Variants in FYCO1 observed in about 807,000 individuals in gnomAD.
The protein encoded by FYCO1 is FYVE and coiled-coil domain-containing protein 1.
FYCO1 carries 122 observed loss-of-function variants against 165.1 expected under a neutral mutation model. The ratio of observed to expected loss-of-function variants is 0.74; its 90% confidence interval spans 0.64 to 0.86. The LOEUF is 0.86. FYCO1 is among the 40% of genes least tolerant of loss of function. The pLI is 0.00. For synonymous variants in FYCO1, 648 were observed against 742.5 expected (o/e 0.87, Z 2.07); for missense variants, 1,702 against 1,810.3 (o/e 0.94, Z 1.09).
At chr3:45,981,091 G>T (rs1411665457) in intron 3 of FYCO1, among the ~76,000 whole-genome samples, 2 of 152,138 alleles carry the variant, frequency 1.3e-5, no homozygotes, top group Non-Finnish European at 2.9e-5. Context: ...TGATGCTGCT[G>T]GTCTATGGAC....
rs1322517396 is a variant in FYCO1, at chr3:45,984,850, C to T, written c.55+6G>A. ...CAAACTCAGCCTGCCCAGCAACCTA[C>T]CATACCTTGCAAGTCTCGGATGATT... On this transcript the variant is annotated splice_donor_region_variant and intron_variant, in intron 2 of 17. Coordinates refer to ENST00000296137, the MANE Select transcript of FYCO1 (RefSeq NM_024513.4). 1 of 1,614,160 alleles carries T rather than the reference C, an allele frequency of 6.2e-7. No homozygotes were observed. The highest frequency in any genetic ancestry group is 8.5e-7 in the Non-Finnish European group (1 of 1,180,004).
Position 45,921,675 on chromosome 3 carries a change from G to T in FYCO1, c.*90C>A. The T allele has an allele frequency of 1.1e-6, 1 of 905,842 alleles. No individual in the cohort carries two copies. Among genetic ancestry groups the T allele is most frequent in the Non-Finnish European group, 1.8e-6 (1 of 543,224 alleles). 56.1% of individuals were successfully genotyped at this position (905,842 alleles called of 1,614,324 possible). ...CAGGGGCTGAGTTGATGATTTTGGA[G>T]CAGCTGACTTTTTAAAAAAATGCTT... On this transcript the variant is annotated 3_prime_UTR_variant, in exon 18 of 18. Transcript: ENST00000296137.
At chr3:45,935,705 T>G (rs985898525) in intron 15 of FYCO1, among the ~76,000 whole-genome samples, 1 of 152,266 alleles carries the variant, frequency 6.6e-6, no homozygotes, top group Non-Finnish European at 1.5e-5. Flanking sequence ...GTAACATTTA[T>G]ACAATATTGA....
intron 16 of FYCO1, among the ~76,000 whole-genome samples, chr3:45,930,602 A>T (rs1265358293): frequency 6.6e-6 from 1 of 152,220 alleles, no homozygotes; most frequent in Non-Finnish European, 1.5e-5. Flanking sequence ...GGTACCTGCC[A>T]CCAAGATTTC....
chr3:45,995,531 C>T (rs967486424), intron 1 of FYCO1, among the ~76,000 whole-genome samples, 191 bp downstream of exon 1: 1 of 152,242 alleles, frequency 6.6e-6, no homozygotes, highest in African/African-American at 2.4e-5. Flanking sequence ...CCGGCTTCCA[C>T]CTGCCCGAGG....
Position 45,967,468 on chromosome 3 carries a change from C to T in FYCO1, c.1866G>A (p.Glu622=). 1 of 1,613,698 alleles carries T rather than the reference C, an allele frequency of 6.2e-7. No homozygotes were observed. The highest frequency in any genetic ancestry group is 8.5e-7 in the Non-Finnish European group (1 of 1,180,002). The change falls in exon 8 of 18, where the codon GAG becomes GAA. Residue 622 remains glutamate (E), a synonymous_variant. Coordinates refer to ENST00000296137, the MANE Select transcript of FYCO1 (RefSeq NM_024513.4). ...EELRQANREL[E]KELQNVVGRN... ...GCCCGACCACATTCTGTAGCTCCTT[C>T]TCCAGCTCCCTGTTGGCCTGCCGGA...
At chr3:45,944,627 C>T (rs1704465109) in intron 14 of FYCO1, among the ~76,000 whole-genome samples, 1 of 152,030 alleles carries the variant, frequency 6.6e-6, no homozygotes, top group Non-Finnish European at 1.5e-5. Context: ...ATTTTTCATA[C>T]TCTATTTGCA....
intron 1 of FYCO1, among the ~76,000 whole-genome samples, chr3:45,995,406 G>T (rs976799927): frequency 6.6e-6 from 1 of 152,250 alleles, no homozygotes. Context: ...CTTGTTCTGA[G>T]ACGCCGCATG....
At chr3:45,992,552 T>C (rs538500275) in intron 1 of FYCO1, among the ~76,000 whole-genome samples, 1 of 152,340 alleles carries the variant, frequency 6.6e-6, no homozygotes, top group East Asian at 1.9e-4. Flanking sequence ...CCAAGGTATA[T>C]TTAGCTTACT....
At chr3:45,987,327 G>A (rs1707359415) in intron 1 of FYCO1, among the ~76,000 whole-genome samples, 1 of 152,120 alleles carries the variant, frequency 6.6e-6, no homozygotes, top group Admixed American at 6.6e-5. Context: ...ATATGTATTT[G>A]ACAAACATAC....
At chr3:45,947,659 G>A (rs1288247705) in intron 14 of FYCO1, 8 of 659,642 alleles carry the variant, frequency 1.2e-5, no homozygotes, top group Non-Finnish European at 1.9e-5. Context: ...CTTCTTCTCA[G>A]GCATGAACAT....
At position 45,993,161 on chromosome 3, in the gene FYCO1, C is replaced by T. The variant is rs1027784549; in HGVS notation, c.-113+2561G>A. Among the ~76,000 whole-genome samples, 3 of 152,286 alleles carry T rather than the reference C, an allele frequency of 2.0e-5. No homozygotes were observed. Among genetic ancestry groups the T allele is most frequent in the South Asian group, 2.1e-4 (1 of 4,816 alleles). On this transcript the variant is annotated intron_variant, in intron 1 of 17. Transcript: ENST00000296137. This position sits in a 1 kb window ranked among gnomAD's most constrained non-coding sequence, Gnocchi z 4.4. ...ATGTACACATCCTCCAAATGGCATCCGGCCTAATGAGAAACAGGCCCTTGG... is the reference window on the plus strand; with the variant it reads ...ATGTACACATCCTCCAAATGGCATCTGGCCTAATGAGAAACAGGCCCTTGG...
At chr3:45,932,865 G>A (rs1390981938) in intron 15 of FYCO1, among the ~76,000 whole-genome samples, 1 of 152,158 alleles carries the variant, frequency 6.6e-6, no homozygotes, top group African/African-American at 2.4e-5. Flanking sequence ...GGGCAGGTTT[G>A]GGGGGTCCAT....
chr3:45,950,440 A>G (rs1190105779), intron 14 of FYCO1, among the ~76,000 whole-genome samples: 1 of 152,022 alleles, frequency 6.6e-6, no homozygotes, highest in Non-Finnish European at 1.5e-5. Flanking sequence ...TGTCCTCCGT[A>G]GGTGTTCTGG....
At chr3:45,928,611 T>C (rs1703435191) in intron 16 of FYCO1, among the ~76,000 whole-genome samples, 1 of 152,120 alleles carries the variant, frequency 6.6e-6, no homozygotes, top group Non-Finnish European at 1.5e-5. Flanking sequence ...TGCTATTCCA[T>C]CCACCTGGAT....
chr3:45,981,460 C>T (rs1195323738), intron 3 of FYCO1, 110 bp downstream of exon 3: 5 of 744,640 alleles, frequency 6.7e-6, no homozygotes, highest in Non-Finnish European at 9.6e-6. Flanking sequence ...ACCACGAGGG[C>T]TTACTGGCTC....
intron 17 of FYCO1, among the ~76,000 whole-genome samples, chr3:45,922,673 G>C (rs1703141959): frequency 6.6e-6 from 1 of 152,154 alleles, no homozygotes; most frequent in Non-Finnish European, 1.5e-5. Flanking sequence ...GGGCAGGAGG[G>C]GGTGAGGTGG....
At position 45,962,424 on chromosome 3, in the gene FYCO1, G is replaced by T; in HGVS notation, c.3270-32C>A. 5 of 1,606,224 alleles carry T rather than the reference G, an allele frequency of 3.1e-6. No individual in the cohort carries two copies. The highest frequency in any genetic ancestry group is 4.3e-6 in the Non-Finnish European group (5 of 1,172,908). On this transcript the variant is annotated intron_variant, in intron 10 of 17. Coordinates refer to ENST00000296137, the MANE Select transcript of FYCO1 (RefSeq NM_024513.4). The surrounding 1 kb of genome is among the most constrained non-coding windows in gnomAD (Gnocchi z 4.4). Reference sequence around the variant, plus strand: ...GAGGAGTGGTAAGTTTTCTTGATTAGCCAGGACTTCCAGCTTTCCCAGGGC... The same window carrying T: ...GAGGAGTGGTAAGTTTTCTTGATTATCCAGGACTTCCAGCTTTCCCAGGGC...
intron 15 of FYCO1, among the ~76,000 whole-genome samples, chr3:45,935,609 A>G (rs893804839): frequency 6.6e-6 from 1 of 152,212 alleles, no homozygotes; most frequent in South Asian, 2.1e-4. Context: ...TTCAAGTCTT[A>G]TCTTCTTACT....
Sources: gnomAD v4.1 joint callset for allele counts (sites outside exome capture counted in the v4.1 genomes callset) on GRCh38, gnomAD v4.1.1 for gene constraint, Gnocchi (gnomAD v3.1) non-coding constraint, MANE v1.5 for transcripts, NCBI Gene and HGNC (gene_info 2026-07-23, HGNC 2026-07-21) for gene names.